RGS22: variants seen among roughly 807,000 people sequenced by gnomAD.
The protein encoded by RGS22 is regulator of G protein signaling 22, also known as regulator of G-protein signaling 22.
In RGS22, 148 loss-of-function variants were observed where a neutral mutation model predicts 172.9. That is an observed-to-expected ratio of 0.86 (90% CI 0.75 to 0.98). RGS22 has a LOEUF of 0.98. RGS22 is among the 50% of genes least tolerant of loss of function. The pLI is 0.00. For missense variants in RGS22, 1,347 were observed against 1,440.8 expected (o/e 0.93, Z 1.05); for synonymous variants, 458 against 480.2 (o/e 0.95, Z 0.60).
Position 100,003,946 on chromosome 8 carries a change from A to AAACTG in RGS22, c.2602_2606dup (p.Leu870SerfsTer24). 1 of 1,607,330 alleles carries AAACTG rather than the reference A, an allele frequency of 6.2e-7. No homozygotes were observed. The highest frequency in any genetic ancestry group is 8.5e-7 in the Non-Finnish European group (1 of 1,176,360). On this transcript the variant is annotated frameshift_variant, in exon 17 of 28. Transcript: ENST00000360863. LOFTEE classifies it high-confidence loss of function. ...CTCACCTTGAAGAATGAGTCTCAAG[A>AAACTG]AACTGACGGAAATGTTCAAACTCCA...
intron 3 of RGS22, among the ~76,000 whole-genome samples, chr8:100,083,789 G>C (rs1811943495): frequency 6.6e-6 from 1 of 150,458 alleles, no homozygotes; most frequent in Non-Finnish European, 1.5e-5. Flanking sequence ...TTATCACTAT[G>C]CAACTGCTTT....
intron 10 of RGS22, chr8:100,051,025 G>C (rs1292347760): frequency 6.6e-6 from 1 of 152,156 alleles, no homozygotes; most frequent in African/African-American, 2.4e-5. Context: ...TGGAGGGTAT[G>C]TGTGCTATTC....
chr8:99,994,278 G>C (rs1228680705), intron 20 of RGS22, among the ~76,000 whole-genome samples: 1 of 152,158 alleles, frequency 6.6e-6, no homozygotes, highest in Non-Finnish European at 1.5e-5. Flanking sequence ...AATCAGGCAA[G>C]AGAAAGAAAT....
chr8:100,099,175 A>G (rs2132040821), intron 2 of RGS22, among the ~76,000 whole-genome samples: 1 of 152,192 alleles, frequency 6.6e-6, no homozygotes, highest in East Asian at 1.9e-4. Flanking sequence ...CGGCCTCTCA[A>G]AGTGCTGGGA....
intron 3 of RGS22, among the ~76,000 whole-genome samples, chr8:100,091,613 A>C (rs1455301239): frequency 6.6e-6 from 1 of 152,144 alleles, no homozygotes; most frequent in Non-Finnish European, 1.5e-5. Flanking sequence ...AAGTTAAGAG[A>C]ATTTATTTCT....
chr8:100,051,432 A>T (rs1365778818), intron 10 of RGS22, among the ~76,000 whole-genome samples: 3 of 109,004 alleles, frequency 2.8e-5, no homozygotes, highest in African/African-American at 1.1e-4. Context: ...ACATTTATAT[A>T]TTTATATATT....
At chr8:100,049,585 C>G (rs1263365212) in intron 10 of RGS22, among the ~76,000 whole-genome samples, 1 of 152,174 alleles carries the variant, frequency 6.6e-6, no homozygotes, top group East Asian at 1.9e-4. Flanking sequence ...TTCCCCCTTT[C>G]TTTTCAGCTT....
intron 27 of RGS22, among the ~76,000 whole-genome samples, chr8:99,961,991 T>C (rs1477230439): frequency 6.6e-6 from 1 of 152,184 alleles, no homozygotes; most frequent in Non-Finnish European, 1.5e-5. Flanking sequence ...TGTTAAACTC[T>C]AACACTAGTA....
At chr8:100,002,535 G>A (rs1815208628) in intron 17 of RGS22, among the ~76,000 whole-genome samples, 171 bp from the exon 18 acceptor site, 1 of 152,086 alleles carries the variant, frequency 6.6e-6, no homozygotes, top group African/African-American at 2.4e-5. Flanking sequence ...TTCTAGGCTA[G>A]TTCACTTGAC....
At chr8:100,034,695 A>G (rs1774055434) in intron 14 of RGS22, among the ~76,000 whole-genome samples, 1 of 152,216 alleles carries the variant, frequency 6.6e-6, no homozygotes, top group South Asian at 2.1e-4. Context: ...TGGAGGCATC[A>G]CGCTATCCGA....
intron 3 of RGS22, among the ~76,000 whole-genome samples, chr8:100,086,736 G>A (rs937451723): frequency 6.6e-6 from 1 of 152,066 alleles, no homozygotes; most frequent in Non-Finnish European, 1.5e-5. Flanking sequence ...AGAAAGATAA[G>A]CAACTTATCG....
chr8:99,991,954 C>T (rs1405043655), intron 20 of RGS22, among the ~76,000 whole-genome samples: 1 of 152,108 alleles, frequency 6.6e-6, no homozygotes, highest in Non-Finnish European at 1.5e-5. Context: ...AGAGTGGGGG[C>T]CAATATTCAA....
intron 2 of RGS22, among the ~76,000 whole-genome samples, chr8:100,095,463 C>T (rs1261764939): frequency 1.3e-5 from 2 of 152,212 alleles, no homozygotes; most frequent in Non-Finnish European, 2.9e-5. Flanking sequence ...GGATTACAAC[C>T]ATGAGCCACC....
intron 3 of RGS22, among the ~76,000 whole-genome samples, chr8:100,090,503 C>T (rs920851744): frequency 2.2e-4 from 33 of 152,136 alleles, no homozygotes; most frequent in African/African-American, 8.0e-4. Context: ...GGAATTCAAT[C>T]TGTAGGTTAT....
chr8:99,986,144 C>T (rs533311537), intron 21 of RGS22, among the ~76,000 whole-genome samples: 16 of 151,948 alleles, frequency 1.1e-4, no homozygotes, highest in Admixed American at 6.6e-4. Flanking sequence ...GTGGGAAGAT[C>T]GCTTGAGCCC....
chr8:100,037,742 G>A (rs1032307186), intron 14 of RGS22, among the ~76,000 whole-genome samples: 4 of 152,196 alleles, frequency 2.6e-5, no homozygotes, highest in Non-Finnish European at 5.9e-5. Context: ...TGAACAGACA[G>A]GGGCAATAGT....
rs1813848408 is a variant in RGS22 at position 100,105,385 on chromosome 8, C to T, written c.43G>A (p.Glu15Lys). The change falls in exon 2 of 28, where the codon GAA becomes AAA. Residue 15 changes from glutamate to lysine, a missense_variant. Coordinates refer to ENST00000360863, the MANE Select transcript of RGS22 (RefSeq NM_015668.5). Reference protein sequence around the residue: ...RLTAEPPTITEEEFEDSLATD... With the variant: ...RLTAEPPTITKEEFEDSLATD... Reference sequence around the variant, plus strand: ...GAAATGATACTTACAAATTCTTCTTCTGTAATAGTTGGTGGCTCTGAAACA... The same window carrying T: ...GAAATGATACTTACAAATTCTTCTTTTGTAATAGTTGGTGGCTCTGAAACA... 1.9e-6 allele frequency: 3 copies of T among 1,609,346 alleles called. No homozygotes were observed. Among genetic ancestry groups the T allele is most frequent in the African/African-American group, 2.7e-5 (2 of 74,798 alleles).
In RGS22 at chr8:100,064,801, G is replaced by A. The variant is rs530544897; in HGVS notation, c.725-758C>T. 2.0e-5 allele frequency among the ~76,000 whole-genome samples: 3 copies of A among 152,272 alleles called. No homozygotes were observed. In the South Asian group the frequency reaches 6.2e-4, roughly 32 times the overall value. ...AAAAGAAAATTCACTACCATAGATTGAGACCATGTATGAACAGACCAGAAC... is the reference window on the plus strand; with the variant it reads ...AAAAGAAAATTCACTACCATAGATTAAGACCATGTATGAACAGACCAGAAC... On this transcript the variant is annotated intron_variant, in intron 7 of 27. Transcript: ENST00000360863.
intron 2 of RGS22, among the ~76,000 whole-genome samples, chr8:100,097,024 A>G (rs1813032005): frequency 6.6e-6 from 1 of 152,234 alleles, no homozygotes; most frequent in South Asian, 2.1e-4. Context: ...GGCATTTGAA[A>G]TGCATTTCAA....
Sources: allele counts gnomAD v4.1 joint callset (sites outside exome capture counted in the v4.1 genomes callset), GRCh38; gene constraint gnomAD v4.1.1; transcripts MANE v1.5; gene names NCBI Gene and HGNC (gene_info 2026-07-23, HGNC 2026-07-21).